The following DYNLRB1 variants were observed in gnomAD, a reference collection of about 807,000 sequenced individuals.
The protein encoded by DYNLRB1 is dynein light chain roadblock-type 1.
DYNLRB1 carries 6 observed loss-of-function variants against 13.5 expected under a neutral mutation model. That is an observed-to-expected ratio of 0.44 (90% confidence interval 0.24 to 0.88). The LOEUF (loss-of-function observed/expected upper bound fraction) is 0.88. Among genes scored for constraint, DYNLRB1 ranks in the 40% least tolerant of loss-of-function variants. The pLI is 0.21. For missense variants in DYNLRB1, 93 were observed against 127.2 expected, an observed-to-expected ratio of 0.73 and a Z score of 1.29; for synonymous variants, 43 against 45.0, an observed-to-expected ratio of 0.96 and a Z score of 0.18.
chr20:34,540,533 T>C, intron 3 of DYNLRB1, 48 bp from the exon 4 acceptor site: 1 of 1,560,952 alleles, frequency 6.4e-7, no homozygotes, highest in South Asian at 1.1e-5. Flanking sequence ...TGTGTGTTTT[T>C]CTCTCATTTT....
intron 3 of DYNLRB1, 123 bp from the exon 4 acceptor site, chr20:34,540,458 G>A (rs1421071331): frequency 4.5e-6 from 4 of 886,856 alleles, no homozygotes; most frequent in Non-Finnish European, 6.9e-6. Flanking sequence ...GAACGTTGAT[G>A]CTTTTTGTTG....
intron 1 of DYNLRB1, among the ~76,000 whole-genome samples, chr20:34,525,186 C>G (rs1039654726): frequency 6.6e-6 from 1 of 152,170 alleles, no homozygotes; most frequent in Non-Finnish European, 1.5e-5. Flanking sequence ...AGGATCCCCC[C>G]CCCCATTTCT....
At chr20:34,533,559 G>C (rs1464669357) in intron 2 of DYNLRB1, 1 of 981,296 alleles carries the variant, frequency 1.0e-6, no homozygotes, top group Non-Finnish European at 1.2e-6. Flanking sequence ...GGTGGCTCAC[G>C]CCTGTAATCC....
chr20:34,516,718 A>G lies in DYNLRB1; in HGVS notation c.3+257A>G, dbSNP rs777081722. ...GCCCAGCCTCGGCCAGGAAGAGATGATGGGCGAGGGGTGGGCGGCGGCCCT... is the reference window on the plus strand; with the variant it reads ...GCCCAGCCTCGGCCAGGAAGAGATGGTGGGCGAGGGGTGGGCGGCGGCCCT... On this transcript the variant is annotated intron_variant, in intron 1 of 3. Coordinates refer to ENST00000357156, the MANE Select transcript of DYNLRB1 (RefSeq NM_014183.4). 5 of 1,535,168 alleles carry G rather than the reference A, an allele frequency of 3.3e-6. No individual in the cohort carries two copies. The East Asian group carries it at 9.9e-5, about 30-fold the overall frequency.
At chr20:34,526,061 T>C (rs895700712) in intron 1 of DYNLRB1, among the ~76,000 whole-genome samples, 2 of 152,186 alleles carry the variant, frequency 1.3e-5, no homozygotes, top group Non-Finnish European at 2.9e-5. Flanking sequence ...AGCCCTGTCC[T>C]GCGTGGGGGT....
At chr20:34,529,141 G>A (rs947636015) in intron 2 of DYNLRB1, among the ~76,000 whole-genome samples, 5 of 152,172 alleles carry the variant, frequency 3.3e-5, no homozygotes, top group African/African-American at 1.2e-4. Flanking sequence ...TGCCAGGCAC[G>A]GTTTGTTTAT....
At chr20:34,535,112 G>C in intron 3 of DYNLRB1, 1 of 985,342 alleles carries the variant, frequency 1.0e-6, no homozygotes, top group Non-Finnish European at 1.2e-6. Context: ...GGCCAGGCCT[G>C]TCTGGGGCTG....
intron 2 of DYNLRB1, among the ~76,000 whole-genome samples, chr20:34,532,132 C>T (rs766150147): frequency 3.9e-5 from 6 of 152,152 alleles, no homozygotes; most frequent in Admixed American, 6.5e-5. Flanking sequence ...AAGGCCCTTG[C>T]GGGTTTAAGC....
At chr20:34,525,183 C>T (rs1488033931) in intron 1 of DYNLRB1, among the ~76,000 whole-genome samples, 1 of 151,974 alleles carries the variant, frequency 6.6e-6, no homozygotes, top group Non-Finnish European at 1.5e-5. Flanking sequence ...TTGAGGATCC[C>T]CCCCCCCATT....
intron 3 of DYNLRB1, chr20:34,535,215 G>A (rs1981047562): frequency 2.0e-6 from 2 of 985,418 alleles, no homozygotes; most frequent in Non-Finnish European, 2.4e-6. Flanking sequence ...GGAAAGCCAC[G>A]TTTGGAAGAA....
Position 34,540,795 on chromosome 20 carries a change from T to C in DYNLRB1, c.*171T>C, listed in dbSNP as rs1032535966. 6 of 613,890 alleles carry C rather than the reference T, an allele frequency of 9.8e-6. No homozygotes were observed. The highest frequency in any genetic ancestry group is 1.4e-5 in the Non-Finnish European group (5 of 361,544). 38.0% of individuals were successfully genotyped at this position (613,890 alleles called of 1,614,324 possible). On this transcript the variant is annotated 3_prime_UTR_variant, in exon 4 of 4. Coordinates refer to ENST00000357156, the MANE Select transcript of DYNLRB1 (RefSeq NM_014183.4). ...CTCCCCCACCAACGGAACCCCTGTG[T>C]GCACCAACCTTCCCCAGAGCTCCGG... is the stretch of plus-strand genomic sequence containing the variant.
chr20:34,535,724 T>G, intron 3 of DYNLRB1: 1 of 985,234 alleles, frequency 1.0e-6, no homozygotes. Flanking sequence ...CATCAGGATG[T>G]GAGTGGGGAG....
intron 2 of DYNLRB1, 26 bp downstream of exon 2, chr20:34,526,369 C>A: frequency 6.2e-7 from 1 of 1,612,698 alleles, no homozygotes; most frequent in East Asian, 2.2e-5. Context: ...CGCCATGACC[C>A]GCACCCAGGC....
intron 3 of DYNLRB1, among the ~76,000 whole-genome samples, chr20:34,539,226 G>T (rs1325146682): frequency 6.6e-6 from 1 of 152,178 alleles, no homozygotes; most frequent in Non-Finnish European, 1.5e-5. Context: ...AGGCACTCAG[G>T]CTCACCTCCA....
At chr20:34,536,565 T>G (rs1981157042) in intron 3 of DYNLRB1, 2 of 739,402 alleles carry the variant, frequency 2.7e-6, no homozygotes. Flanking sequence ...ACCAACATGG[T>G]GAAACCCCGT....
At chr20:34,532,440 G>A (rs918680689) in intron 2 of DYNLRB1, among the ~76,000 whole-genome samples, 3 of 152,138 alleles carry the variant, frequency 2.0e-5, no homozygotes, top group Non-Finnish European at 2.9e-5. Context: ...CCTAGGACAC[G>A]ACTAAAGGCA....
intron 1 of DYNLRB1, among the ~76,000 whole-genome samples, chr20:34,523,104 G>C (rs1030610002): frequency 3.9e-5 from 6 of 152,112 alleles, no homozygotes; most frequent in Non-Finnish European, 7.4e-5. Context: ...GGGCCTCGGT[G>C]CCCAGTAGAG....
chr20:34,524,744 TG>T (rs1199413156), intron 1 of DYNLRB1, among the ~76,000 whole-genome samples: 3 of 151,604 alleles, frequency 2.0e-5, no homozygotes, highest in African/African-American at 7.3e-5. Flanking sequence ...TTTTTTTTTT[TG>T]GAAATGGAGT....
chr20:34,520,523 T>C (rs1170241596), intron 1 of DYNLRB1, among the ~76,000 whole-genome samples: 1 of 152,220 alleles, frequency 6.6e-6, no homozygotes, highest in African/African-American at 2.4e-5. Flanking sequence ...CTCAGCTCAC[T>C]GCAACCTCTG....
Sources: allele counts gnomAD v4.1 joint callset (sites outside exome capture counted in the v4.1 genomes callset), GRCh38; gene constraint gnomAD v4.1.1; transcripts MANE v1.5; gene names NCBI Gene and HGNC (gene_info 2026-07-23, HGNC 2026-07-21).